VPS41: variants seen among roughly 807,000 people sequenced by gnomAD.
The protein encoded by VPS41 is VPS41 subunit of HOPS complex, also known as vacuolar protein sorting-associated protein 41 homolog.
Under a neutral mutation model 130.9 loss-of-function variants are expected in VPS41, and 85 were observed. That is an observed-to-expected ratio of 0.65 (90% confidence interval 0.55 to 0.78). The LOEUF is 0.78. VPS41 is among the 30% of genes least tolerant of loss of function. VPS41 has a pLI of 0.00. For missense variants in VPS41, 874 were observed against 1,018.7 expected (o/e 0.86, Z 1.93); for synonymous variants, 335 against 332.9 (o/e 1.01, Z -0.07).
intron 4 of VPS41, among the ~76,000 whole-genome samples, chr7:38,855,809 G>T (rs560650492): frequency 1.3e-5 from 2 of 152,150 alleles, no homozygotes; most frequent in Non-Finnish European, 2.9e-5. Context: ...AAATGTATGA[G>T]TATATATTAA....
At chr7:38,827,817 T>C (rs1470277993) in intron 5 of VPS41, among the ~76,000 whole-genome samples, 1 of 152,208 alleles carries the variant, frequency 6.6e-6, no homozygotes, top group Non-Finnish European at 1.5e-5. Context: ...ACTAAACTTT[T>C]CTGAAATGAA....
intron 5 of VPS41, among the ~76,000 whole-genome samples, chr7:38,824,612 A>T (rs1785234242): frequency 6.6e-6 from 1 of 152,228 alleles, no homozygotes; most frequent in Non-Finnish European, 1.5e-5. Flanking sequence ...AAAGAAAGAT[A>T]TCTTTTTACC....
At chr7:38,745,805 C>A in intron 22 of VPS41, 192 bp from the exon 23 acceptor site, 2 of 552,910 alleles carry the variant, frequency 3.6e-6, no homozygotes, top group East Asian at 3.3e-5. Flanking sequence ...CTGGACTCTA[C>A]ACAATTCAAT....
At chr7:38,800,617 T>C (rs1414584829) in intron 7 of VPS41, among the ~76,000 whole-genome samples, 5 of 152,168 alleles carry the variant, frequency 3.3e-5, no homozygotes, top group Non-Finnish European at 7.3e-5. Context: ...GTGGATCACC[T>C]GAGGTCGGGA....
chr7:38,898,296 G>A (rs1787057794), intron 1 of VPS41, among the ~76,000 whole-genome samples, 167 bp from the exon 2 acceptor site: 1 of 152,182 alleles, frequency 6.6e-6, no homozygotes, highest in Non-Finnish European at 1.5e-5. Flanking sequence ...CATGTCTCCT[G>A]CAACTTCTCC....
At chr7:38,803,455 A>G (rs979055448) in intron 7 of VPS41, among the ~76,000 whole-genome samples, 4 of 152,220 alleles carry the variant, frequency 2.6e-5, no homozygotes, top group African/African-American at 9.6e-5. Context: ...GTGTGTTCCC[A>G]CGGGGAGAAC....
chr7:38,833,246 C>T (rs1007595250), intron 4 of VPS41, among the ~76,000 whole-genome samples: 4 of 152,208 alleles, frequency 2.6e-5, no homozygotes, highest in East Asian at 3.8e-4. Context: ...AACTAGGTGA[C>T]TTTCTCCTGC....
chr7:38,776,130 T>A (rs1309311848), intron 11 of VPS41, among the ~76,000 whole-genome samples: 3 of 152,222 alleles, frequency 2.0e-5, no homozygotes, highest in Non-Finnish European at 4.4e-5. Context: ...ATTTAGATCA[T>A]CTGCTGCTTT....
intron 14 of VPS41, among the ~76,000 whole-genome samples, chr7:38,770,265 G>A (rs4532515): frequency 0.05 from 7,046 of 142,054 alleles, 575 homozygotes; most frequent in African/African-American, 0.17. Flanking sequence ...GCGAAACTCC[G>A]TCTCAAAAAA....
At chr7:38,819,405 A>T (rs1293151932) in intron 6 of VPS41, among the ~76,000 whole-genome samples, 1 of 152,224 alleles carries the variant, frequency 6.6e-6, no homozygotes, top group Non-Finnish European at 1.5e-5. Flanking sequence ...CATGGTCGGC[A>T]AAAACCTTCC....
At chr7:38,900,651 G>T (rs758963988) in intron 1 of VPS41, among the ~76,000 whole-genome samples, 1 of 152,188 alleles carries the variant, frequency 6.6e-6, no homozygotes, top group South Asian at 2.1e-4. Context: ...ATTTGACACC[G>T]TGAGGCAGGA....
chr7:38,756,840 C>A lies in VPS41; in HGVS notation c.1693G>T (p.Glu565Ter). ...TACTAAAATAAAAAGCACATTACCT[C>A]TGAATCAAAATCCATTAATAAAACA... is the stretch of plus-strand genomic sequence containing the variant. ...KIVLLMDFDSEKAVDMLLDNE... is the reference protein window; with the variant it reads ...KIVLLMDFDS Residue 565 changes from glutamate to a stop codon, truncating the protein, a stop_gained and splice_region_variant, in exon 19 of 29, where the codon GAG (glutamate) becomes TAG (stop). Coordinates refer to ENST00000310301, the MANE Select transcript of VPS41 (RefSeq NM_014396.4). LOFTEE classifies it high-confidence loss of function. 1 of 1,550,890 alleles carries A rather than the reference C, an allele frequency of 6.4e-7. No homozygotes were observed. The highest frequency in any genetic ancestry group is 8.8e-7 in the Non-Finnish European group (1 of 1,136,648).
At chr7:38,897,644 C>CA (rs11355680) in intron 2 of VPS41, among the ~76,000 whole-genome samples, 2,192 of 97,736 alleles carry the variant, frequency 0.022, 57 homozygotes, top group African/African-American at 0.078. Context: ...GACTCCGTCT[C>CA]AAAAAAAAAA....
chr7:38,889,676 G>T (rs1028983986), intron 2 of VPS41, among the ~76,000 whole-genome samples: 2 of 151,950 alleles, frequency 1.3e-5, no homozygotes, highest in African/African-American at 4.8e-5. Flanking sequence ...TTAAAGAGTG[G>T]CTAATAGGAG....
chr7:38,805,060 T>C (rs960015253), intron 7 of VPS41, among the ~76,000 whole-genome samples: 6 of 152,236 alleles, frequency 3.9e-5, no homozygotes, highest in African/African-American at 1.2e-4. Context: ...GAATTAATGT[T>C]CTCTGCAATG....
chr7:38,740,852 G>A (rs964441037), intron 25 of VPS41, among the ~76,000 whole-genome samples: 4 of 152,102 alleles, frequency 2.6e-5, no homozygotes, highest in Admixed American at 6.6e-5. Context: ...ACTCAGAAAG[G>A]CTGTGGCCTC....
intron 21 of VPS41, among the ~76,000 whole-genome samples, chr7:38,754,157 T>C (rs1037952943): frequency 3.3e-5 from 5 of 152,106 alleles, no homozygotes; most frequent in Admixed American, 2.0e-4. Context: ...ACAAGAAATA[T>C]GGAATTAGCT....
At chr7:38,737,751 T>C (rs2115603626) in intron 25 of VPS41, among the ~76,000 whole-genome samples, 1 of 152,272 alleles carries the variant, frequency 6.6e-6, no homozygotes, top group Admixed American at 6.5e-5. Context: ...CTCCTGAGTG[T>C]TGTGTCCATC....
At position 38,756,995 on chromosome 7, in the gene VPS41, A is replaced by T. The variant is rs779999664; in HGVS notation, c.1551-13T>A. On this transcript the variant is annotated splice_polypyrimidine_tract_variant and intron_variant, in intron 18 of 28. Coordinates refer to ENST00000310301, the MANE Select transcript of VPS41 (RefSeq NM_014396.4). ...GTCATAGGTGTACCTGGTAATACAA[A>T]TTTTTTACATTAATATTCATCAACA... 25 of 1,562,990 alleles carry T rather than the reference A, an allele frequency of 1.6e-5. No homozygotes were observed. The highest frequency in any genetic ancestry group is 1.4e-4 in the African/African-American group (10 of 73,908).
Sources: gnomAD v4.1 joint callset for allele counts (sites outside exome capture counted in the v4.1 genomes callset) on GRCh38, gnomAD v4.1.1 for gene constraint, MANE v1.5 for transcripts, NCBI Gene and HGNC (gene_info 2026-07-23, HGNC 2026-07-21) for gene names.